MMP16: variants seen among roughly 807,000 people sequenced by gnomAD.
MMP16 encodes matrix metallopeptidase 16.
MMP16 carries 12 observed loss-of-function variants against 67.8 expected under a neutral mutation model. That is an observed-to-expected ratio of 0.18 (90% confidence interval 0.11 to 0.29). MMP16 has a LOEUF of 0.29. Among genes scored for constraint, MMP16 ranks in the 10% least tolerant of loss-of-function variants. The pLI is 1.00. For missense variants in MMP16, 475 were observed against 765.7 expected (o/e 0.62, Z 4.48); for synonymous variants, 249 against 255.9 (o/e 0.97, Z 0.26).
Position 88,184,514 on chromosome 8 carries a change from A to G in MMP16, c.404+1962T>C, listed in dbSNP as rs1330362211. On this transcript the variant is annotated intron_variant, in intron 3 of 9. Transcript: ENST00000286614. ...AAAGCCAAGGCAGGAGGATCACTTG[A>G]GCCCAGGAGTTCAAGACCAGCCTGG... 3.8e-5 allele frequency among the ~76,000 whole-genome samples: 5 copies of G among 131,902 alleles called. No individual in the cohort carries two copies. In the East Asian group the frequency reaches 9.5e-4, roughly 25 times the overall value. 86.5% of individuals were successfully genotyped at this position (131,902 alleles called of 152,430 possible). A position where few individuals can be genotyped will look rare whatever the true frequency, so the allele number is the denominator to read the frequency against.
At position 88,172,146 on chromosome 8, in the gene MMP16, A is replaced by G. The variant is rs535778532; in HGVS notation, c.405-4173T>C. Among the ~76,000 whole-genome samples, 9 of 152,268 alleles carry G rather than the reference A, an allele frequency of 5.9e-5. No homozygotes were observed. The South Asian group carries it at 1.9e-3, about 32-fold the overall frequency. ...TGATGCATTTTTAATTGTGTTCTCA[A>G]TGATTTGGTAATGTTGAATTAGCAG... On this transcript the variant is annotated intron_variant, in intron 3 of 9. Transcript: ENST00000286614.
At chr8:88,308,686 A>C (rs557951789) in intron 1 of MMP16, among the ~76,000 whole-genome samples, 2 of 152,120 alleles carry the variant, frequency 1.3e-5, no homozygotes, top group East Asian at 1.9e-4. Flanking sequence ...GCACATAAAA[A>C]GAAAAAAGGT....
At chr8:88,105,999 TAC>T (rs138353660) in intron 6 of MMP16, among the ~76,000 whole-genome samples, 11,053 of 149,908 alleles carry the variant, frequency 0.074, 472 homozygotes, top group East Asian at 0.18. Flanking sequence ...TATATGCAAA[TAC>T]ATATACACAC....
At chr8:88,252,930 A>G (rs1810248597) in intron 1 of MMP16, among the ~76,000 whole-genome samples, 1 of 152,130 alleles carries the variant, frequency 6.6e-6, no homozygotes, top group Non-Finnish European at 1.5e-5. Context: ...TGCTAAATGA[A>G]TAGTAGATTT....
intron 1 of MMP16, among the ~76,000 whole-genome samples, chr8:88,303,698 A>C (rs1586010192): frequency 6.6e-6 from 1 of 152,178 alleles, no homozygotes; most frequent in Non-Finnish European, 1.5e-5. Context: ...TCTGGAGCAG[A>C]CCCCCAGCAA....
chr8:88,134,101 T>C (rs1202866057), intron 4 of MMP16, among the ~76,000 whole-genome samples: 1 of 151,830 alleles, frequency 6.6e-6, no homozygotes, highest in South Asian at 2.1e-4. Flanking sequence ...TGGAAAAATG[T>C]GCATATGAAT....
chr8:88,076,712 C>T (rs1435964600), intron 6 of MMP16, among the ~76,000 whole-genome samples: 1 of 152,082 alleles, frequency 6.6e-6, no homozygotes, highest in African/African-American at 2.4e-5. Flanking sequence ...ATAACAAGGG[C>T]TTCTAACTGG....
chr8:88,213,341 G>GA (rs751053477), intron 1 of MMP16, among the ~76,000 whole-genome samples: 20 of 151,946 alleles, frequency 1.3e-4, no homozygotes, highest in Non-Finnish European at 2.4e-4. Context: ...TTGAGAATGA[G>GA]AAAAAATGCT....
chr8:88,069,207 T>C (rs561750633), intron 7 of MMP16: 153 of 296,378 alleles, frequency 5.2e-4, no homozygotes, highest in African/African-American at 3.5e-3. Flanking sequence ...GGCATATCTG[T>C]CCAGCTATTT....
intron 1 of MMP16, among the ~76,000 whole-genome samples, chr8:88,201,267 G>A (rs535555600): frequency 6.6e-6 from 1 of 151,900 alleles, no homozygotes; most frequent in Non-Finnish European, 1.5e-5. Flanking sequence ...ATATAAGGAA[G>A]GCTGTGTTAG....
intron 4 of MMP16, among the ~76,000 whole-genome samples, chr8:88,146,691 T>C (rs528176081): frequency 1.2e-4 from 19 of 152,106 alleles, no homozygotes; most frequent in Non-Finnish European, 2.4e-4. Context: ...GATACTTCTT[T>C]TTTTGGCTAT....
intron 1 of MMP16, among the ~76,000 whole-genome samples, chr8:88,326,090 T>C (rs1403579721): frequency 6.6e-6 from 1 of 151,962 alleles, no homozygotes; most frequent in Non-Finnish European, 1.5e-5. Context: ...CATAATTCGT[T>C]TGAGAGTTCA....
intron 8 of MMP16, among the ~76,000 whole-genome samples, chr8:88,048,976 C>T (rs939531143): frequency 1.3e-5 from 2 of 152,210 alleles, no homozygotes; most frequent in African/African-American, 4.8e-5. Context: ...TGAGTAACAT[C>T]TGGAATTCCT....
intron 4 of MMP16, among the ~76,000 whole-genome samples, chr8:88,145,659 G>A (rs1382919030): frequency 6.6e-6 from 1 of 151,774 alleles, no homozygotes. Context: ...AGATTCCAAT[G>A]GGCCCTAAGA....
At chr8:88,109,498 A>G (rs62525941) in intron 6 of MMP16, among the ~76,000 whole-genome samples, 11,462 of 151,388 alleles carry the variant, frequency 0.076, 497 homozygotes, top group East Asian at 0.18. Flanking sequence ...TAATTACAAC[A>G]TAGTTAACTA....
intron 3 of MMP16, chr8:88,186,252 A>C (rs1809070500): frequency 2.5e-6 from 1 of 392,918 alleles, no homozygotes; most frequent in Admixed American, 4.2e-5. Flanking sequence ...TTATTCAAGA[A>C]GCTGGAATAG....
chr8:88,146,136 C>A (rs1808286156), intron 4 of MMP16, among the ~76,000 whole-genome samples: 1 of 151,892 alleles, frequency 6.6e-6, no homozygotes, highest in Admixed American at 6.6e-5. Context: ...TTCAAATGCT[C>A]CTTTTTGCAT....
At chr8:88,072,935 C>A (rs537165962) in intron 7 of MMP16, among the ~76,000 whole-genome samples, 1 of 152,124 alleles carries the variant, frequency 6.6e-6, no homozygotes, top group African/African-American at 2.4e-5. Flanking sequence ...AGCCATGCCA[C>A]AAGAGAGTGA....
intron 8 of MMP16, among the ~76,000 whole-genome samples, chr8:88,053,763 G>A (rs1020415748): frequency 6.6e-6 from 1 of 152,048 alleles, no homozygotes; most frequent in Non-Finnish European, 1.5e-5. Context: ...TGACTATGGA[G>A]TAATCTGTTT....
Sources: allele counts gnomAD v4.1 joint callset (sites outside exome capture counted in the v4.1 genomes callset), GRCh38; gene constraint gnomAD v4.1.1; transcripts MANE v1.5; gene names NCBI Gene and HGNC (gene_info 2026-07-23, HGNC 2026-07-21).